ADGRL3: variants seen among roughly 807,000 people sequenced by gnomAD.
ADGRL3 encodes the protein adhesion G protein-coupled receptor L3, also known as calcium-independent alpha-latrotoxin receptor 3.
In ADGRL3, 62 loss-of-function variants were observed where a neutral mutation model predicts 153.5. The observed-to-expected ratio is 0.40, with a 90% CI of 0.33 to 0.50. The LOEUF is 0.50. ADGRL3 is among the 20% of genes least tolerant of loss of function. The pLI is 0.47. For synonymous variants in ADGRL3, 710 were observed against 672.5 expected (o/e 1.06, Z -0.86); for missense variants, 1,641 against 1,859.4 (o/e 0.88, Z 2.16).
At chr4:61,828,665 CTG>C (rs1220810874) in intron 9 of ADGRL3, among the ~76,000 whole-genome samples, 24 of 152,284 alleles carry the variant, frequency 1.6e-4, no homozygotes, top group Middle Eastern at 3.4e-3. Context: ...GCTCTAGAGA[CTG>C]TCTTAATGGA....
At chr4:61,243,311 C>G (rs1461084027) in intron 1 of ADGRL3, among the ~76,000 whole-genome samples, 2 of 151,988 alleles carry the variant, frequency 1.3e-5, no homozygotes, top group Non-Finnish European at 2.9e-5. Flanking sequence ...TATTTCTCTT[C>G]TAGAGTTAAA....
intron 8 of ADGRL3, among the ~76,000 whole-genome samples, chr4:61,771,832 GCAAAAGAAGCCACCCT>G (rs2097090887): frequency 6.6e-6 from 1 of 152,174 alleles, no homozygotes; most frequent in Non-Finnish European, 1.5e-5. Flanking sequence ...CAGAGAGGGT[GCAAAAGAAGCCACCCT>G]CATGATCCAG....
intron 9 of ADGRL3, among the ~76,000 whole-genome samples, chr4:61,839,481 C>T (rs2097992065): frequency 6.6e-6 from 1 of 152,020 alleles, no homozygotes; most frequent in Admixed American, 6.6e-5. Flanking sequence ...CAGGAATGAG[C>T]CACTGTACCT....
intron 8 of ADGRL3, among the ~76,000 whole-genome samples, chr4:61,741,689 T>G (rs576823652): frequency 6.6e-6 from 1 of 152,374 alleles, no homozygotes; most frequent in East Asian, 1.9e-4. Context: ...GACATCTGCC[T>G]TTCAGGCTCT....
chr4:61,373,123 C>G (rs2096559717), intron 1 of ADGRL3, among the ~76,000 whole-genome samples: 1 of 152,186 alleles, frequency 6.6e-6, no homozygotes, highest in African/African-American at 2.4e-5. Context: ...CCTGCGCCCA[C>G]TGTCTGGCAC....
At chr4:61,465,593 A>G (rs1457005862) in intron 2 of ADGRL3, among the ~76,000 whole-genome samples, 9 of 151,364 alleles carry the variant, frequency 5.9e-5, no homozygotes, top group African/African-American at 2.2e-4. Context: ...TAAATGTTAA[A>G]AGAAAATATG....
At chr4:61,204,983 A>G (rs1434163366) in intron 1 of ADGRL3, among the ~76,000 whole-genome samples, 2 of 152,172 alleles carry the variant, frequency 1.3e-5, no homozygotes, top group South Asian at 2.1e-4. Flanking sequence ...ACTCTTTTCC[A>G]CAGGGAATAA....
chr4:61,759,653 A>T (rs1045203344), intron 8 of ADGRL3, among the ~76,000 whole-genome samples: 2 of 149,016 alleles, frequency 1.3e-5, no homozygotes, highest in African/African-American at 5.2e-5. Flanking sequence ...GATCATCTGA[A>T]GCCTTCTTCT....
At chr4:61,629,267 T>C (rs2149989258) in intron 5 of ADGRL3, among the ~76,000 whole-genome samples, 1 of 152,270 alleles carries the variant, frequency 6.6e-6, no homozygotes, top group Admixed American at 6.5e-5. Flanking sequence ...ATGTTTATCT[T>C]CTTGGCAATG....
At chr4:62,017,571 T>C (rs920613606) in intron 21 of ADGRL3, among the ~76,000 whole-genome samples, 69 of 152,200 alleles carry the variant, frequency 4.5e-4, no homozygotes, top group African/African-American at 1.6e-3. Context: ...AATAGCTTAT[T>C]TAAGGCTTTT....
intron 1 of ADGRL3, among the ~76,000 whole-genome samples, chr4:61,250,318 A>G (rs2149431534): frequency 6.6e-6 from 1 of 152,282 alleles, no homozygotes; most frequent in African/African-American, 2.4e-5. Context: ...AGTGGGTTAC[A>G]GGACTGTTTT....
intron 1 of ADGRL3, among the ~76,000 whole-genome samples, chr4:61,294,716 A>C (rs2094343891): frequency 6.6e-6 from 1 of 152,138 alleles, no homozygotes. Flanking sequence ...CTGCCCTTTG[A>C]TTAGAGGCAT....
At chr4:61,610,830 T>C (rs1166357522) in intron 5 of ADGRL3, among the ~76,000 whole-genome samples, 1 of 151,978 alleles carries the variant, frequency 6.6e-6, no homozygotes, top group Non-Finnish European at 1.5e-5. Context: ...ATCCATTTTA[T>C]AGAGGTCAAA....
chr4:61,806,946 C>T (rs2148516096), intron 8 of ADGRL3, among the ~76,000 whole-genome samples: 1 of 151,992 alleles, frequency 6.6e-6, no homozygotes, highest in East Asian at 1.9e-4. Context: ...CCTGAGTCAC[C>T]CCAAAGAGAT....
chr4:61,319,084 T>C (rs1024002144), intron 1 of ADGRL3, among the ~76,000 whole-genome samples: 3 of 152,198 alleles, frequency 2.0e-5, no homozygotes, highest in African/African-American at 4.8e-5. Context: ...CATTAAGGAA[T>C]AGGCTGCCTG....
At chr4:61,232,775 A>G (rs1158300896) in intron 1 of ADGRL3, among the ~76,000 whole-genome samples, 4 of 152,146 alleles carry the variant, frequency 2.6e-5, no homozygotes, top group South Asian at 2.1e-4. Flanking sequence ...AATGTGCTTT[A>G]AGGTAATTAT....
intron 9 of ADGRL3, among the ~76,000 whole-genome samples, chr4:61,882,626 G>T (rs2098515116): frequency 6.6e-6 from 1 of 152,020 alleles, no homozygotes; most frequent in Admixed American, 6.6e-5. Flanking sequence ...TCACCTCTCT[G>T]TCCTCATTTC....
chr4:61,858,715 G>A (rs1373918632), intron 9 of ADGRL3, among the ~76,000 whole-genome samples: 1 of 152,104 alleles, frequency 6.6e-6, no homozygotes, highest in Non-Finnish European at 1.5e-5. Context: ...TTGTTTGTTT[G>A]TTTTTCGAAC....
rs145259039 is a variant in ADGRL3 at position 61,727,609 on chromosome 4, T to C, written c.584-3013T>C. On this transcript the variant is annotated intron_variant, in intron 6 of 26. Transcript: ENST00000683033. Reference sequence around the variant, plus strand: ...TTTTAGGCCTGTGTTTTTAGATCACTGCAGGCTGTTTTGTAGCAACAAATG... The same window carrying C: ...TTTTAGGCCTGTGTTTTTAGATCACCGCAGGCTGTTTTGTAGCAACAAATG... Among the ~76,000 whole-genome samples the C allele has an allele frequency of 5.8e-3, 880 of 152,238 alleles. 8 individuals carry two copies. Among genetic ancestry groups the C allele is most frequent in the African/African-American group, 0.02 (846 of 41,556 alleles).
Sources: gnomAD v4.1 joint callset for allele counts (sites outside exome capture counted in the v4.1 genomes callset) on GRCh38, gnomAD v4.1.1 for gene constraint, MANE v1.5 for transcripts, NCBI Gene and HGNC (gene_info 2026-07-23, HGNC 2026-07-21) for gene names.